The following IQSEC1 variants were observed in gnomAD, a reference collection of about 807,000 sequenced individuals.
IQSEC1 encodes the protein IQ motif and SEC7 domain-containing protein 1.
IQSEC1 carries 31 observed loss-of-function variants against 91.0 expected under a neutral mutation model. The observed-to-expected ratio is 0.34, with a 90% CI of 0.26 to 0.46. The LOEUF (loss-of-function observed/expected upper bound fraction) is 0.46. IQSEC1 is among the 20% of genes least tolerant of loss of function. IQSEC1 has a pLI of 1.00. For synonymous variants in IQSEC1, 699 were observed against 662.6 expected (o/e 1.05, Z -0.84); for missense variants, 1,388 against 1,575.6 (o/e 0.88, Z 2.02).
rs60741725 is a variant in IQSEC1 at position 13,245,766 on chromosome 3, C to CAAA, written c.272+36942_272+36944dup. Among the ~76,000 whole-genome samples the CAAA allele has an allele frequency of 8.4e-3, 957 of 114,134 alleles. 11 individuals carry two copies. The highest frequency in any genetic ancestry group is 0.016 in the African/African-American group (523 of 33,366). The allele number at this position is 114,134 out of a possible 152,430, so 74.9% of individuals were successfully genotyped here. A position where few individuals can be genotyped will look rare whatever the true frequency, so the allele number is the denominator to read the frequency against. On this transcript the variant is annotated intron_variant, in intron 1 of 15. Coordinates refer to the IQSEC1 transcript ENST00000648114. The stretch of plus-strand genomic sequence containing the variant: ...TCAGCAACAGAGCCAGACCCTGTTT[C>CAAA]AAAAAAAAAAAAAAAAGAATGTGGT...
At chr3:13,113,896 G>A (rs1706293143) in intron 2 of IQSEC1, among the ~76,000 whole-genome samples, 1 of 152,252 alleles carries the variant, frequency 6.6e-6, no homozygotes, top group Admixed American at 6.5e-5. Flanking sequence ...GCTAAAATGT[G>A]CTACAGTGCC....
chr3:13,103,139 G>A lies in IQSEC1; in HGVS notation c.303-55617C>T, dbSNP rs183744464. On this transcript the variant is annotated intron_variant, in intron 2 of 15. Transcript: ENST00000648114. This position sits in a 1 kb window ranked among gnomAD's most constrained non-coding sequence, Gnocchi z 4.1. ...CAGGGCTCTGCCCCAGCCCCTCCCTGGCCCATGTCCCCGGCTGGCCCCAGG... is the reference window on the plus strand; with the variant it reads ...CAGGGCTCTGCCCCAGCCCCTCCCTAGCCCATGTCCCCGGCTGGCCCCAGG... 6.2e-4 allele frequency among the ~76,000 whole-genome samples: 95 copies of A among 152,148 alleles called. 1 individual carries two copies. In the East Asian group the frequency reaches 0.015, roughly 24 times the overall value.
At chr3:13,205,778 A>G (rs1694332910) in intron 1 of IQSEC1, among the ~76,000 whole-genome samples, 2 of 129,756 alleles carry the variant, frequency 1.5e-5, no homozygotes, top group Admixed American at 7.4e-5. Context: ...CCATCCCTCA[A>G]TCCACTCATC....
rs5846799 is a variant in IQSEC1, at chr3:13,101,419, C to CAAAAAAAAAAAAAAAAAAAAAAAAAA, written c.303-53898_303-53897insTTTTTTTTTTTTTTTTTTTTTTTTTT. Among the ~76,000 whole-genome samples the CAAAAAAAAAAAAAAAAAAAAAAAAAA allele has an allele frequency of 1.4e-4, 17 of 119,474 alleles. 1 individual carries two copies. Among genetic ancestry groups the CAAAAAAAAAAAAAAAAAAAAAAAAAA allele is most frequent in the African/African-American group, 3.9e-4 (12 of 30,440 alleles). The allele number at this position is 119,474 out of a possible 152,430, so 78.4% of individuals were successfully genotyped here. On this transcript the variant is annotated intron_variant, in intron 2 of 15. Coordinates refer to the IQSEC1 transcript ENST00000648114. The stretch of plus-strand genomic sequence containing the variant: ...GGGAGACAGGGTGAGATTCCATCTC[C>CAAAAAAAAAAAAAAAAAAAAAAAAAA]AAAAAAAAAAAAAATGCACCCTTCT...
intron 1 of IQSEC1, among the ~76,000 whole-genome samples, chr3:12,980,712 G>T (rs952072107): frequency 1.3e-5 from 2 of 152,116 alleles, no homozygotes; most frequent in Non-Finnish European, 2.9e-5. Context: ...TCACTTCCTC[G>T]AGGCCCTTTC....
At chr3:13,072,919 T>C in intron 1 of IQSEC1, 73 bp downstream of exon 1, 2 of 1,363,984 alleles carry the variant, frequency 1.5e-6, no homozygotes, top group Non-Finnish European at 2.0e-6. Flanking sequence ...ACGATGCCCC[T>C]CACTCCAGCT....
intron 2 of IQSEC1, among the ~76,000 whole-genome samples, chr3:13,082,079 C>A (rs1261463995): frequency 6.6e-6 from 1 of 152,108 alleles, no homozygotes; most frequent in Non-Finnish European, 1.5e-5. Flanking sequence ...AGCAGTGGCC[C>A]CCGAGTCGCG....
chr3:13,282,592 C>T lies in IQSEC1; in HGVS notation c.272+119G>A, dbSNP rs1695816131. The stretch of plus-strand genomic sequence containing the variant: ...GGTCTGGCGGCGGGTGTGGGCGCTC[C>T]CGGGCCGGCCACGCGCCCTCCCGCA... On this transcript the variant is annotated intron_variant, in intron 1 of 15. Coordinates refer to the IQSEC1 transcript ENST00000648114. This position sits in a 1 kb window ranked among gnomAD's most constrained non-coding sequence, Gnocchi z 6.4. Among the ~76,000 whole-genome samples, 1 of 151,834 alleles carries T rather than the reference C, an allele frequency of 6.6e-6. No individual in the cohort carries two copies. The highest frequency in any genetic ancestry group is 2.4e-5 in the African/African-American group (1 of 41,416).
chr3:13,092,895 T>C (rs542867096), intron 2 of IQSEC1, among the ~76,000 whole-genome samples: 31 of 152,266 alleles, frequency 2.0e-4, no homozygotes, highest in Admixed American at 1.6e-3. Flanking sequence ...GCCTTTGCCC[T>C]TGCTGTTCCC....
chr3:13,026,864 G>GTTTT (rs1553680571), intron 1 of IQSEC1, among the ~76,000 whole-genome samples: 6 of 90,862 alleles, frequency 6.6e-5, no homozygotes, highest in Admixed American at 1.1e-4. Context: ...TATCTCCCCA[G>GTTTT]TTTTTTTTTT....
At chr3:13,186,760 C>A (rs534475386) in intron 1 of IQSEC1, among the ~76,000 whole-genome samples, 19 of 152,196 alleles carry the variant, frequency 1.2e-4, no homozygotes, top group Non-Finnish European at 2.1e-4. Flanking sequence ...GGGGCTGGGG[C>A]TCCCTGCACT....
chr3:13,216,266 G>A (rs186823563), intron 1 of IQSEC1, among the ~76,000 whole-genome samples: 10 of 152,364 alleles, frequency 6.6e-5, no homozygotes, highest in Admixed American at 1.3e-4. Flanking sequence ...AGCCAACAGC[G>A]CAGCTGTAGA....
Position 12,901,029 on chromosome 3 carries a change from G to T in IQSEC1, c.3299C>A (p.Pro1100His). 6.5e-7 allele frequency: 1 copy of T among 1,544,118 alleles called. No individual in the cohort carries two copies. ...HHGQPPAPPPPTSSKAKPSGI... is the reference protein window; with the variant it reads ...HHGQPPAPPPHTSSKAKPSGI... ...GCTGGGTTTGGCCTTGCTGCTGGTGGGGGGCGGCGGGGCAGGGGGCTGCCC... is the reference window on the plus strand; with the variant it reads ...GCTGGGTTTGGCCTTGCTGCTGGTGTGGGGCGGCGGGGCAGGGGGCTGCCC... Residue 1100 changes from proline (P) to histidine (H), a missense_variant, in exon 14 of 14, where the codon CCC becomes CAC. Pro to His is a moderately conservative substitution (Grantham distance 77). This residue lies in a region of IQSEC1 where 329 missense variants were observed against 257.8 expected (regional missense o/e 1.28). Transcript: ENST00000613206.
chr3:13,012,386 A>G (rs1702923594), intron 1 of IQSEC1, among the ~76,000 whole-genome samples: 1 of 152,188 alleles, frequency 6.6e-6, no homozygotes, highest in Non-Finnish European at 1.5e-5. Context: ...ACTCCTCCAG[A>G]TAAAAACTCC....
At chr3:13,081,428 C>G (rs1705645608) in intron 2 of IQSEC1, among the ~76,000 whole-genome samples, 1 of 152,168 alleles carries the variant, frequency 6.6e-6, no homozygotes, top group Non-Finnish European at 1.5e-5. Flanking sequence ...GCCACTACAT[C>G]TGGCTAATTT....
In IQSEC1 at chr3:12,908,481, G is replaced by A; in HGVS notation, c.2623C>T (p.Gln875Ter). The A allele has an allele frequency of 6.2e-7, 1 of 1,613,582 alleles. No individual in the cohort carries two copies. The highest frequency in any genetic ancestry group is 8.5e-7 in the Non-Finnish European group (1 of 1,180,020). Reference sequence around the variant, plus strand: ...GACTCCTTTTTGAGGCTAGAGCACTGGGACATGCTGGGCCGCACGACGCCT... The same window carrying A: ...GACTCCTTTTTGAGGCTAGAGCACTAGGACATGCTGGGCCGCACGACGCCT... ...QKGVVRPSMS[Q>*]CSSLKKESGN... The change falls in exon 12 of 14, where the codon CAG (glutamine) becomes TAG (stop). Residue 875 changes from glutamine to a stop codon, truncating the protein, a stop_gained. Transcript: ENST00000613206. LOFTEE classifies it high-confidence loss of function. The surrounding 1 kb of genome is among the most constrained non-coding windows in gnomAD (Gnocchi z 4.9).
At position 12,924,119 on chromosome 3, in the gene IQSEC1, G is replaced by C. The variant is rs1402062701; in HGVS notation, c.1730+462C>G. Among the ~76,000 whole-genome samples, 5 of 152,156 alleles carry C rather than the reference G, an allele frequency of 3.3e-5. No individual in the cohort carries two copies. Among genetic ancestry groups the C allele is most frequent in the South Asian group, 2.1e-4 (1 of 4,836 alleles). ...CTGACTCCCCACCACTCTCCCCAGG[G>C]GTGAGTCAGGAGCAAACAGGGCATG... is the stretch of plus-strand genomic sequence containing the variant. On this transcript the variant is annotated intron_variant, in intron 4 of 13. Transcript: ENST00000613206. The surrounding 1 kb of genome is among the most constrained non-coding windows in gnomAD (Gnocchi z 6.3).
At chr3:13,102,990 G>A (rs1010476293) in intron 2 of IQSEC1, among the ~76,000 whole-genome samples, 2 of 152,204 alleles carry the variant, frequency 1.3e-5, no homozygotes, top group Non-Finnish European at 2.9e-5. Flanking sequence ...AGGTGGCAGA[G>A]AGGGGCTCAG....
chr3:12,987,709 A>G (rs1701809175), intron 1 of IQSEC1, among the ~76,000 whole-genome samples: 1 of 152,240 alleles, frequency 6.6e-6, no homozygotes, highest in African/African-American at 2.4e-5. Flanking sequence ...ACGAAGGATT[A>G]GAATCTGTAG....
Sources: gnomAD v4.1 joint callset for allele counts (sites outside exome capture counted in the v4.1 genomes callset) on GRCh38, gnomAD v4.1.1 for gene constraint, gnomAD v4.1.1 regional missense constraint, Gnocchi (gnomAD v3.1) non-coding constraint, MANE v1.5 for transcripts, NCBI Gene and HGNC (gene_info 2026-07-23, HGNC 2026-07-21) for gene names.